DIAPH2: variants seen among roughly 807,000 people sequenced by gnomAD.
DIAPH2 encodes the protein diaphanous related formin 2.
In DIAPH2, 35 loss-of-function variants were observed where a neutral mutation model predicts 92.7. That is an observed-to-expected ratio of 0.38 (90% CI 0.29 to 0.50). DIAPH2 has a LOEUF of 0.50. DIAPH2 is among the 20% of genes least tolerant of loss of function. The pLI, the probability that DIAPH2 is intolerant of heterozygous loss-of-function variation, is 0.94. For synonymous variants in DIAPH2, 301 were observed against 280.4 expected (o/e 1.07, Z -0.73); for missense variants, 701 against 819.5 (o/e 0.86, Z 1.77).
At chrX:96,744,162 C>T (rs902368835) in intron 3 of DIAPH2, among the ~76,000 whole-genome samples, 5 of 112,239 alleles carry the variant, frequency 4.5e-5, no homozygotes, top group East Asian at 2.8e-4. Flanking sequence ...ATTAGTTTGA[C>T]GGTAATAACC....
At chrX:97,095,476 A>T (rs1482238486) in intron 19 of DIAPH2, among the ~76,000 whole-genome samples, 1 of 107,654 alleles carries the variant, frequency 9.3e-6, no homozygotes, top group Non-Finnish European at 1.9e-5. Context: ...AAGTTAAAGT[A>T]AGACATTACA....
intron 17 of DIAPH2, among the ~76,000 whole-genome samples, chrX:97,060,520 G>A (rs1215112537): frequency 9.0e-6 from 1 of 110,931 alleles, no homozygotes; most frequent in East Asian, 2.8e-4. Flanking sequence ...CAGAAAACTA[G>A]TAAGAATCTT....
Position 96,881,601 on chromosome X carries a change from A to C in DIAPH2, c.470A>C (p.His157Pro). The C allele has an allele frequency of 8.3e-7, 1 of 1,206,985 alleles. No individual in the cohort carries two copies. ...AKSGGLKNSKHECTLSSQEYV... is the reference protein window; with the variant it reads ...AKSGGLKNSKPECTLSSQEYV... ...TAGGGTGGGCTGAAAAACAGCAAACATGAATGCACCCTGTCTTCACAAGAA... is the reference window on the plus strand; with the variant it reads ...TAGGGTGGGCTGAAAAACAGCAAACCTGAATGCACCCTGTCTTCACAAGAA... The change falls in exon 5 of 27, where the codon CAT becomes CCT. Residue 157 changes from histidine to proline, a missense_variant. Coordinates refer to ENST00000324765, the MANE Select transcript of DIAPH2 (RefSeq NM_006729.5).
chrX:97,008,860 C>T (rs1207868972), intron 17 of DIAPH2, among the ~76,000 whole-genome samples: 3 of 111,375 alleles, frequency 2.7e-5, no homozygotes, highest in Admixed American at 1.9e-4. Flanking sequence ...ACTGGGACTG[C>T]GCTGGGTCAG....
At chrX:97,555,618 G>A (rs2071251730) in intron 26 of DIAPH2, among the ~76,000 whole-genome samples, 1 of 111,682 alleles carries the variant, frequency 9.0e-6, no homozygotes, top group South Asian at 3.7e-4. Flanking sequence ...ATCAATGTCA[G>A]TATGGGAAAA....
At chrX:97,479,149 C>T (rs2070632273) in intron 26 of DIAPH2, among the ~76,000 whole-genome samples, 1 of 111,007 alleles carries the variant, frequency 9.0e-6, no homozygotes, top group Non-Finnish European at 1.9e-5. Flanking sequence ...CTGTGCATCA[C>T]AGTTCTGTTA....
intron 22 of DIAPH2, among the ~76,000 whole-genome samples, chrX:97,227,676 G>A (rs1331516403): frequency 8.9e-6 from 1 of 112,071 alleles, no homozygotes; most frequent in Non-Finnish European, 1.9e-5. Context: ...CAAAGTCAAA[G>A]TTGCATAAGT....
intron 1 of DIAPH2, among the ~76,000 whole-genome samples, chrX:96,708,603 G>C (rs1044820695): frequency 1.8e-5 from 2 of 111,547 alleles, no homozygotes; most frequent in Non-Finnish European, 3.8e-5. Flanking sequence ...CTTGATTTCT[G>C]TCACATCTCT....
At chrX:96,738,845 T>G in intron 3 of DIAPH2, 83 bp downstream of exon 3, 1 of 756,924 alleles carries the variant, frequency 1.3e-6, no homozygotes, top group Non-Finnish European at 1.9e-6. Context: ...TGTGTTTGTA[T>G]GGACAGTGTT....
intron 4 of DIAPH2, among the ~76,000 whole-genome samples, chrX:96,775,095 T>A (rs2064367159): frequency 9.0e-6 from 1 of 111,408 alleles, no homozygotes; most frequent in African/African-American, 3.3e-5. Context: ...GTAATTTAGG[T>A]CCCTTGCCTC....
intron 4 of DIAPH2, among the ~76,000 whole-genome samples, chrX:96,825,789 C>T (rs1485670841): frequency 9.1e-6 from 1 of 110,449 alleles, no homozygotes; most frequent in Non-Finnish European, 1.9e-5. Flanking sequence ...TCTGGGTAAC[C>T]TGTCCCTCAT....
At chrX:97,430,090 C>T (rs1000518283) in intron 26 of DIAPH2, among the ~76,000 whole-genome samples, 2 of 111,461 alleles carry the variant, frequency 1.8e-5, no homozygotes, top group Non-Finnish European at 3.8e-5. Context: ...AAGTAATTGG[C>T]CCTAAGGAGA....
intron 21 of DIAPH2, among the ~76,000 whole-genome samples, chrX:97,137,291 A>ATG (rs2067178880): frequency 1.1e-5 from 1 of 92,448 alleles, no homozygotes; most frequent in African/African-American, 4.3e-5. Flanking sequence ...ATATATATAT[A>ATG]TATATATATA....
At chrX:97,084,569 A>C (rs142681765) in intron 19 of DIAPH2, among the ~76,000 whole-genome samples, 1 of 111,612 alleles carries the variant, frequency 9.0e-6, no homozygotes, top group African/African-American at 3.3e-5. Flanking sequence ...GGACAAAGGA[A>C]GTATCCAGGA....
intron 23 of DIAPH2, among the ~76,000 whole-genome samples, chrX:97,287,283 C>G (rs987146780): frequency 9.3e-6 from 1 of 107,138 alleles, no homozygotes; most frequent in Non-Finnish European, 1.9e-5. Context: ...CCAGCCTGGG[C>G]AACAGAGTGA....
At chrX:97,573,116 C>T (rs1267986408) in intron 26 of DIAPH2, among the ~76,000 whole-genome samples, 2 of 110,848 alleles carry the variant, frequency 1.8e-5, no homozygotes, top group East Asian at 2.8e-4. Flanking sequence ...GTTGATAGTT[C>T]GGGGAGCAGT....
At chrX:97,466,463 C>A (rs750552001) in intron 26 of DIAPH2, among the ~76,000 whole-genome samples, 1 of 21,207 alleles carries the variant, frequency 4.7e-5, no homozygotes, top group African/African-American at 1.1e-4. Context: ...GGACTCTTTA[C>A]TGAAGTATTA....
intron 4 of DIAPH2, among the ~76,000 whole-genome samples, chrX:96,835,261 A>G (rs1174254200): frequency 2.7e-5 from 3 of 111,904 alleles, no homozygotes; most frequent in Non-Finnish European, 3.8e-5. Context: ...AACAATAACA[A>G]TGGTGCTTCA....
intron 22 of DIAPH2, among the ~76,000 whole-genome samples, chrX:97,203,975 C>T (rs1364766397): frequency 3.6e-5 from 4 of 111,984 alleles, no homozygotes; most frequent in African/African-American, 9.7e-5. Flanking sequence ...TTATCTACCA[C>T]GATCAAGTTG....
Sources: allele counts gnomAD v4.1 joint callset (sites outside exome capture counted in the v4.1 genomes callset), GRCh38; gene constraint gnomAD v4.1.1; transcripts MANE v1.5; gene names NCBI Gene and HGNC (gene_info 2026-07-23, HGNC 2026-07-21).